Variants in L1TD1 observed in about 807,000 individuals in gnomAD.
L1TD1 encodes the protein LINE-1 type transposase domain-containing protein 1.
Under a neutral mutation model 25.7 loss-of-function variants are expected in L1TD1, and 26 were observed. That is an observed-to-expected ratio of 1.01 (90% CI 0.74 to 1.40). The LOEUF is 1.40. L1TD1 is among the 40% of genes most tolerant of loss of function. The pLI, the probability that L1TD1 is intolerant of heterozygous loss-of-function variation, is 0.00. For synonymous variants in L1TD1, 421 were observed against 335.6 expected (o/e 1.25, Z -2.78); for missense variants, 1,130 against 975.0 (o/e 1.16, Z -2.12).
chr1:62,200,127 ATAGAG>A (rs1253933753), intron 2 of L1TD1, among the ~76,000 whole-genome samples: 21 of 152,274 alleles, frequency 1.4e-4, no homozygotes, highest in African/African-American at 4.6e-4. Flanking sequence ...TATGCACCAT[ATAGAG>A]TATATATATC....
rs1218014915 is a variant in L1TD1 at position 62,210,608 on chromosome 1, G to A, written c.1834G>A (p.Glu612Lys). Residue 612 changes from glutamate to lysine, a missense_variant, in exon 4 of 4, where the codon GAA becomes AAA. Physicochemically the swap from Glu to Lys is moderately conservative, Grantham distance 56 (BLOSUM62 1). Coordinates refer to ENST00000498273, the MANE Select transcript of L1TD1 (RefSeq NM_019079.5). ...LTSKEADLTE[E>K]TEENLRSSVI... Reference sequence around the variant, plus strand: ...ATCCAAAGAAGCAGACTTAACAGAGGAAACAGAAGAAAACTTGAGAAGTAG... The same window carrying A: ...ATCCAAAGAAGCAGACTTAACAGAGAAAACAGAAGAAAACTTGAGAAGTAG... The A allele has an allele frequency of 6.2e-7, 1 of 1,606,324 alleles. No homozygotes were observed. Among genetic ancestry groups the A allele is most frequent in the Admixed American group, 1.7e-5 (1 of 58,758 alleles).
At chr1:62,199,881 A>C (rs746168529) in intron 2 of L1TD1, among the ~76,000 whole-genome samples, 24 of 152,176 alleles carry the variant, frequency 1.6e-4, no homozygotes, top group Non-Finnish European at 2.9e-4. Flanking sequence ...GGCTGTAATC[A>C]GGGTGTTCAA....
rs553021856 is a variant in L1TD1, at chr1:62,195,380, T to C, written c.-205+459T>C. ...TCCTAAGACTTATCTATCCCCAAAT[T>C]GGAAACATGAAAGTAGTTCTGTGAA... On this transcript the variant is annotated intron_variant, in intron 1 of 3. Coordinates refer to ENST00000498273, the MANE Select transcript of L1TD1 (RefSeq NM_019079.5). Among the ~76,000 whole-genome samples the C allele has an allele frequency of 1.4e-4, 22 of 152,310 alleles. No homozygotes were observed. The East Asian group carries it at 4.3e-3, about 29-fold the overall frequency.
At chr1:62,202,387 T>C (rs1278251595) in intron 2 of L1TD1, among the ~76,000 whole-genome samples, 1 of 152,126 alleles carries the variant, frequency 6.6e-6, no homozygotes, top group East Asian at 1.9e-4. Flanking sequence ...TTTACATGTT[T>C]CCTCTTTTGA....
rs953357294 is a variant in L1TD1, at chr1:62,207,263, G to C, written c.635G>C (p.Arg212Thr). ...GAGGATGAATTTGTCAAAGAAATGA[G>C]AGAGGAAAGAAAATTTCAGAAATTG... Reference protein sequence around the residue: ...DGEDEFVKEMREERKFQKLKN... With the variant: ...DGEDEFVKEMTEERKFQKLKN... Residue 212 changes from arginine to threonine, a missense_variant, in exon 3 of 4, where the codon AGA becomes ACA. By Grantham distance (71) the Arg-to-Thr change is moderately conservative. Coordinates refer to ENST00000498273, the MANE Select transcript of L1TD1 (RefSeq NM_019079.5). The C allele has an allele frequency of 4.5e-6, 7 of 1,550,930 alleles. No homozygotes were observed. The highest frequency in any genetic ancestry group is 3.5e-6 in the Non-Finnish European group (4 of 1,146,878).
Position 62,206,693 on chromosome 1 carries a change from T to C in L1TD1, c.65T>C (p.Ile22Thr), listed in dbSNP as rs143659287. 1.1e-4 allele frequency: 166 copies of C among 1,548,998 alleles called. No homozygotes were observed. In the African/African-American group the frequency reaches 1.7e-3, roughly 16 times the overall value. ...FARLAKKKEN[I>T]TYMKREQLTE... The stretch of plus-strand genomic sequence containing the variant: ...AGACTTGCAAAGAAAAAGGAAAATA[T>C]CACCTATATGAAAAGAGAGCAGTTA... Residue 22 changes from isoleucine to threonine, a missense_variant, in exon 3 of 4, where the codon ATC (isoleucine) becomes ACC (threonine). Ile to Thr is a moderately conservative substitution (Grantham distance 89). Coordinates refer to ENST00000498273, the MANE Select transcript of L1TD1 (RefSeq NM_019079.5).
At chr1:62,205,380 T>TCC (rs1244471239) in intron 2 of L1TD1, among the ~76,000 whole-genome samples, 806 of 79,098 alleles carry the variant, frequency 0.01, 14 homozygotes, top group Non-Finnish European at 0.013. Flanking sequence ...TCTTTCTCTC[T>TCC]CTCTCTCTTT....
chr1:62,199,900 A>C (rs144183212), intron 2 of L1TD1, among the ~76,000 whole-genome samples: 46 of 152,218 alleles, frequency 3.0e-4, no homozygotes, highest in African/African-American at 1.1e-3. Flanking sequence ...AAACACTGGA[A>C]TGTGTTTTGA....
intron 2 of L1TD1, among the ~76,000 whole-genome samples, chr1:62,204,122 T>G (rs1276548387): frequency 1.3e-5 from 2 of 152,226 alleles, no homozygotes. Flanking sequence ...GGTGCTCCCA[T>G]TTTTGAACCA....
intron 3 of L1TD1, among the ~76,000 whole-genome samples, chr1:62,208,720 C>T (rs1392762798): frequency 2.6e-5 from 4 of 152,104 alleles, no homozygotes; most frequent in Non-Finnish European, 5.9e-5. Flanking sequence ...CTCAAGCAGT[C>T]TACATGCCTT....
At chr1:62,202,511 T>A (rs1419131111) in intron 2 of L1TD1, among the ~76,000 whole-genome samples, 3 of 151,306 alleles carry the variant, frequency 2.0e-5, no homozygotes, top group Non-Finnish European at 4.4e-5. Flanking sequence ...TTTAAACAAT[T>A]TTTTGTAACT....
intron 2 of L1TD1, among the ~76,000 whole-genome samples, chr1:62,202,717 T>C (rs1383017181): frequency 6.9e-6 from 1 of 144,986 alleles, no homozygotes; most frequent in Non-Finnish European, 1.5e-5. Context: ...GCTCTTTTGC[T>C]CTTGTCGCCC....
At position 62,210,233 on chromosome 1, in the gene L1TD1, T is replaced by C; in HGVS notation, c.1459T>C (p.Ser487Pro). 6.2e-7 allele frequency: 1 copy of C among 1,613,986 alleles called. No individual in the cohort carries two copies. The highest frequency in any genetic ancestry group is 8.5e-7 in the Non-Finnish European group (1 of 1,180,010). Residue 487 changes from serine to proline, a missense_variant, in exon 4 of 4, where the codon TCT becomes CCT. Physicochemically the swap from Ser to Pro is moderately conservative, Grantham distance 74. Transcript: ENST00000498273. ...AGAGGAGGAAGAAGAAGGAAAGAGCTCTGAAACAGGAAAGGTAAAGACTAC... is the reference window on the plus strand; with the variant it reads ...AGAGGAGGAAGAAGAAGGAAAGAGCCCTGAAACAGGAAAGGTAAAGACTAC... ...ESEEEEEGKS[S>P]ETGKVKTTSL...
intron 2 of L1TD1, among the ~76,000 whole-genome samples, chr1:62,205,403 CTCTCTCTCTCTCTCTATA>C (rs1232719067): frequency 2.5e-5 from 1 of 39,794 alleles, no homozygotes; most frequent in Non-Finnish European, 4.4e-5. Context: ...CTCTCTCTCT[CTCTCTCTCTCTCTCTATA>C]TATATATATA....
intron 2 of L1TD1, among the ~76,000 whole-genome samples, chr1:62,199,663 G>A (rs1670606267): frequency 6.6e-6 from 1 of 150,986 alleles, no homozygotes; most frequent in Non-Finnish European, 1.5e-5. Context: ...CGGCAACATC[G>A]CAAGACCCTG....
At chr1:62,209,700 T>G in intron 3 of L1TD1, 83 bp from the exon 4 acceptor site, 1 of 1,138,136 alleles carries the variant, frequency 8.8e-7, no homozygotes, top group Non-Finnish European at 1.2e-6. Flanking sequence ...ATATTAAAAT[T>G]AGTGAAATTG....
chr1:62,197,269 C>T (rs767066299), intron 2 of L1TD1, among the ~76,000 whole-genome samples: 24 of 151,410 alleles, frequency 1.6e-4, no homozygotes, highest in Non-Finnish European at 2.5e-4. Flanking sequence ...CTCCTGTAGT[C>T]CCAGCTACGT....
chr1:62,206,210 AT>A (rs1466914339), intron 2 of L1TD1, among the ~76,000 whole-genome samples: 1 of 152,222 alleles, frequency 6.6e-6, no homozygotes, highest in Non-Finnish European at 1.5e-5. Flanking sequence ...AATAACATCT[AT>A]TATAATTAAT....
chr1:62,210,359 G>T lies in L1TD1; in HGVS notation c.1585G>T (p.Val529Leu). 1 of 1,613,962 alleles carries T rather than the reference G, an allele frequency of 6.2e-7. No homozygotes were observed. The highest frequency in any genetic ancestry group is 1.1e-5 in the South Asian group (1 of 91,016). ...GAAAAAGTTGGTGAAACACCAGGTG[G>T]TGCACAAAACCCAGGAGGAAGAGGA... Reference protein sequence around the residue: ...GKKKLVKHQVVHKTQEEEETA... With the variant: ...GKKKLVKHQVLHKTQEEEETA... Residue 529 changes from valine to leucine, a missense_variant, in exon 4 of 4, where the codon GTG (valine) becomes TTG (leucine). By Grantham distance (32) the Val-to-Leu change is conservative. Coordinates refer to ENST00000498273, the MANE Select transcript of L1TD1 (RefSeq NM_019079.5).
Sources: gnomAD v4.1 joint callset for allele counts (sites outside exome capture counted in the v4.1 genomes callset) on GRCh38, gnomAD v4.1.1 for gene constraint, MANE v1.5 for transcripts, NCBI Gene and HGNC (gene_info 2026-07-23, HGNC 2026-07-21) for gene names.